MXD1: variants seen among roughly 807,000 people sequenced by gnomAD.
MXD1 encodes the protein MAX dimerization protein 1.
A neutral mutation model predicts 25.7 loss-of-function variants in MXD1; 9 were observed. The ratio of observed to expected loss-of-function variants is 0.35; its 90% CI spans 0.21 to 0.61. The LOEUF is 0.61. Among genes scored for constraint, MXD1 ranks in the 20% least tolerant of loss-of-function variants. The probability of loss-of-function intolerance (pLI) is 0.75; values close to 1 mark genes in which losing one functional copy is unlikely to be tolerated. For synonymous variants in MXD1, 99 were observed against 113.9 expected (o/e 0.87, Z 0.83); for missense variants, 227 against 292.4 (o/e 0.78, Z 1.63).
chr2:69,938,009 AG>A, intron 5 of MXD1, 87 bp from the exon 6 acceptor site: 8 of 1,302,448 alleles, frequency 6.1e-6, no homozygotes, highest in Admixed American at 4.3e-5. Flanking sequence ...TGCCTCCCAA[AG>A]TGCTGGGATT....
chr2:69,938,503 G>A lies in MXD1; in HGVS notation c.*219G>A, dbSNP rs957424889. The A allele has an allele frequency of 7.5e-6, 4 of 536,344 alleles. No homozygotes were observed. The highest frequency in any genetic ancestry group is 3.8e-5 in the African/African-American group (2 of 52,282). The allele number at this position is 536,344 out of a possible 1,614,324, so 33.2% of individuals were successfully genotyped here. On this transcript the variant is annotated 3_prime_UTR_variant, in exon 6 of 6. Coordinates refer to ENST00000264444, the MANE Select transcript of MXD1 (RefSeq NM_002357.4). ...TCTCGCCATAAAAATTTGTCTCTGA[G>A]AGACTATACATTCCAATCAATTTGA...
Position 69,915,515 on chromosome 2 carries a change from C to T in MXD1, c.73+112C>T. On this transcript the variant is annotated intron_variant, in intron 1 of 5. Transcript: ENST00000264444. This position sits in a 1 kb window ranked among gnomAD's most constrained non-coding sequence, Gnocchi z 5.8. ...GGGGTGGTTGGAGGCGGGGAGACCG[C>T]GAGCGCTCCCAACCCCTCTGGCTCT... The T allele has an allele frequency of 1.2e-6, 1 of 860,086 alleles. No individual in the cohort carries two copies. The highest frequency in any genetic ancestry group is 1.6e-6 in the Non-Finnish European group (1 of 634,606). 53.3% of individuals were successfully genotyped at this position (860,086 alleles called of 1,614,324 possible). A position where few individuals can be genotyped will look rare whatever the true frequency, so the allele number is the denominator to read the frequency against.
At chr2:69,922,360 C>T (rs1185764547) in intron 3 of MXD1, among the ~76,000 whole-genome samples, 1 of 152,220 alleles carries the variant, frequency 6.6e-6, no homozygotes, top group Non-Finnish European at 1.5e-5. Flanking sequence ...TTGCTGCTTA[C>T]TTAAATCTTT....
At chr2:69,918,470 A>T (rs1677001183) in intron 2 of MXD1, among the ~76,000 whole-genome samples, 1 of 152,256 alleles carries the variant, frequency 6.6e-6, no homozygotes, top group African/African-American at 2.4e-5. Context: ...ATATGGGAAG[A>T]TGGAAGTTTC....
intron 3 of MXD1, among the ~76,000 whole-genome samples, chr2:69,924,695 C>T (rs1677137034): frequency 6.6e-6 from 1 of 151,874 alleles, no homozygotes. Flanking sequence ...TCATGGCTTT[C>T]ATTGCTTCTT....
chr2:69,927,525 G>A (rs1320674877), intron 3 of MXD1, among the ~76,000 whole-genome samples: 1 of 152,124 alleles, frequency 6.6e-6, no homozygotes, highest in African/African-American at 2.4e-5. Flanking sequence ...GCAAGACTTG[G>A]AGGAGAGACA....
intron 3 of MXD1, among the ~76,000 whole-genome samples, chr2:69,935,085 GAAT>G (rs1677390474): frequency 6.6e-6 from 1 of 152,154 alleles, no homozygotes; most frequent in Non-Finnish European, 1.5e-5. Context: ...TTACACATGT[GAAT>G]GACTATATAA....
chr2:69,930,429 C>T (rs528185903), intron 3 of MXD1, among the ~76,000 whole-genome samples: 13 of 152,228 alleles, frequency 8.5e-5, no homozygotes, highest in African/African-American at 2.9e-4. Context: ...CTGCCTCCCT[C>T]CCAACCTTGG....
At chr2:69,922,301 C>T (rs1677082226) in intron 3 of MXD1, among the ~76,000 whole-genome samples, 1 of 152,168 alleles carries the variant, frequency 6.6e-6, no homozygotes, top group Non-Finnish European at 1.5e-5. Flanking sequence ...CCTCACTGGG[C>T]TCCATCTTGC....
At chr2:69,935,553 T>C (rs968494520) in intron 4 of MXD1, 88 bp downstream of exon 4, 11 of 852,726 alleles carry the variant, frequency 1.3e-5, no homozygotes, top group Non-Finnish European at 2.2e-5. Flanking sequence ...TCCTCTCCCC[T>C]GAACTCCTCC....
intron 3 of MXD1, among the ~76,000 whole-genome samples, chr2:69,930,528 T>C (rs1353231139): frequency 6.6e-6 from 1 of 152,240 alleles, no homozygotes; most frequent in Non-Finnish European, 1.5e-5. Context: ...AAACCCTTGC[T>C]AATTTTGTAA....
intron 3 of MXD1, among the ~76,000 whole-genome samples, chr2:69,928,492 C>T (rs914069492): frequency 3.3e-5 from 5 of 151,978 alleles, no homozygotes; most frequent in African/African-American, 9.7e-5. Flanking sequence ...AATCATTCTG[C>T]AATAATTCAT....
intron 2 of MXD1, among the ~76,000 whole-genome samples, chr2:69,919,943 T>G (rs1677032283): frequency 1.3e-5 from 2 of 152,198 alleles, no homozygotes; most frequent in African/African-American, 4.8e-5. Flanking sequence ...CCCAAAGTGC[T>G]GAGATTACAG....
chr2:69,915,360 G>A lies in MXD1; in HGVS notation c.30G>A (p.Gln10=). Residue 10 remains glutamine (Q), a synonymous_variant, in exon 1 of 6, where the codon CAG becomes CAA. Transcript: ENST00000264444. The surrounding 1 kb of genome is among the most constrained non-coding windows in gnomAD (Gnocchi z 5.8). MAAAVRMNI[Q]MLLEAADYLE... is the part of the protein sequence containing the mutation. ...CGGCGGCGGTTCGGATGAACATCCA[G>A]ATGCTGCTGGAGGCGGCCGACTATC... 7.7e-7 allele frequency: 1 copy of A among 1,295,376 alleles called. No homozygotes were observed. The highest frequency in any genetic ancestry group is 9.9e-7 in the Non-Finnish European group (1 of 1,012,300). 80.2% of individuals were successfully genotyped at this position (1,295,376 alleles called of 1,614,324 possible). A position where few individuals can be genotyped will look rare whatever the true frequency, so the allele number is the denominator to read the frequency against.
At chr2:69,937,043 T>C in intron 4 of MXD1, 192 bp from the exon 5 acceptor site, 1 of 755,810 alleles carries the variant, frequency 1.3e-6, no homozygotes, top group Non-Finnish European at 2.4e-6. Flanking sequence ...GCACTGGCGA[T>C]GCTGAAGAGT....
chr2:69,932,493 G>A (rs1438388600), intron 3 of MXD1, among the ~76,000 whole-genome samples: 1 of 152,224 alleles, frequency 6.6e-6, no homozygotes, highest in Non-Finnish European at 1.5e-5. Flanking sequence ...GGCAGACACT[G>A]CCAAAGACAG....
rs577942301 is a variant in MXD1 at position 69,915,592 on chromosome 2, G to T, written c.73+189G>T. Among the ~76,000 whole-genome samples, 1 of 152,336 alleles carries T rather than the reference G, an allele frequency of 6.6e-6. No homozygotes were observed. The highest frequency in any genetic ancestry group is 2.1e-4 in the South Asian group (1 of 4,822). On this transcript the variant is annotated intron_variant, in intron 1 of 5. Transcript: ENST00000264444. The surrounding 1 kb of genome is among the most constrained non-coding windows in gnomAD (Gnocchi z 5.8). ...GCCGCTGCCCCAAAGCAATGAATGG[G>T]GTGGAGAAGGGGCTGCCGCCCGCCG...
chr2:69,931,545 A>G (rs762877955), intron 3 of MXD1, among the ~76,000 whole-genome samples: 6 of 152,216 alleles, frequency 3.9e-5, no homozygotes, highest in African/African-American at 9.7e-5. Context: ...TCCATTATGT[A>G]TATGTACCAC....
At position 69,924,573 on chromosome 2, in the gene MXD1, T is replaced by G. The variant is rs1416231489; in HGVS notation, c.203+2808T>G. Among the ~76,000 whole-genome samples, 4 of 152,184 alleles carry G rather than the reference T, an allele frequency of 2.6e-5. No homozygotes were observed. In the South Asian group the frequency reaches 8.3e-4, roughly 32 times the overall value. Reference sequence around the variant, plus strand: ...GGTTTGGAGGTCAGCTGAACAGCTGTTTTTGTACTCTCCCTGGTTTTAGTA... The same window carrying G: ...GGTTTGGAGGTCAGCTGAACAGCTGGTTTTGTACTCTCCCTGGTTTTAGTA... On this transcript the variant is annotated intron_variant, in intron 3 of 5. Transcript: ENST00000264444.
Sources: gnomAD v4.1 joint callset for allele counts (sites outside exome capture counted in the v4.1 genomes callset) on GRCh38, gnomAD v4.1.1 for gene constraint, Gnocchi (gnomAD v3.1) non-coding constraint, MANE v1.5 for transcripts, NCBI Gene and HGNC (gene_info 2026-07-23, HGNC 2026-07-21) for gene names.